Variants in ARHGAP12 observed in about 807,000 individuals in gnomAD.
ARHGAP12 encodes the protein rho GTPase-activating protein 12.
In ARHGAP12, 64 loss-of-function variants were observed where a neutral mutation model predicts 108.6. The observed-to-expected ratio is 0.59, with a 90% CI of 0.48 to 0.73. The LOEUF is 0.73. ARHGAP12 is among the 30% of genes least tolerant of loss of function. The pLI, the probability that ARHGAP12 is intolerant of heterozygous loss-of-function variation, is 0.00. For synonymous variants in ARHGAP12, 312 were observed against 337.2 expected, an observed-to-expected ratio of 0.93 and a Z score of 0.82; for missense variants, 940 against 1,005.9, an observed-to-expected ratio of 0.93 and a Z score of 0.89.
chr10:31,855,236 T>C (rs1415130597), intron 4 of ARHGAP12, among the ~76,000 whole-genome samples: 1 of 151,736 alleles, frequency 6.6e-6, no homozygotes, highest in South Asian at 2.1e-4. Context: ...ACTGGGAAAA[T>C]TTAGAAACTT....
chr10:31,825,644 A>C (rs1835577420), intron 11 of ARHGAP12, among the ~76,000 whole-genome samples: 1 of 152,148 alleles, frequency 6.6e-6, no homozygotes, highest in Non-Finnish European at 1.5e-5. Flanking sequence ...TCCCAGCGTT[A>C]AGGAGACAAT....
At chr10:31,920,449 CAAAAAAAA>C (rs71027040) in intron 1 of ARHGAP12, among the ~76,000 whole-genome samples, 2 of 59,602 alleles carry the variant, frequency 3.4e-5, no homozygotes, top group South Asian at 6.5e-4. Context: ...GACTCCGTCT[CAAAAAAAA>C]AAAAAAAAAA....
At chr10:31,856,919 A>C (rs2132295056) in intron 4 of ARHGAP12, among the ~76,000 whole-genome samples, 1 of 152,362 alleles carries the variant, frequency 6.6e-6, no homozygotes, top group Non-Finnish European at 1.5e-5. Flanking sequence ...AGGAAAAAAA[A>C]CTATAAAGAA....
chr10:31,882,638 C>A (rs1838018861), intron 3 of ARHGAP12, among the ~76,000 whole-genome samples: 1 of 151,340 alleles, frequency 6.6e-6, no homozygotes, highest in African/African-American at 2.4e-5. Flanking sequence ...CATGGTGAAA[C>A]CCTGTCCCTA....
intron 3 of ARHGAP12, among the ~76,000 whole-genome samples, chr10:31,888,351 A>C (rs1838265385): frequency 6.6e-6 from 1 of 152,216 alleles, no homozygotes; most frequent in South Asian, 2.1e-4. Flanking sequence ...ACATGTCCCA[A>C]GGCAAGCCAA....
At position 31,839,686 on chromosome 10, in the gene ARHGAP12, C is replaced by A; in HGVS notation, c.1322G>T (p.Cys441Phe). The A allele has an allele frequency of 6.2e-7, 1 of 1,607,850 alleles. No individual in the cohort carries two copies. The highest frequency in any genetic ancestry group is 8.5e-7 in the Non-Finnish European group (1 of 1,175,982). Residue 441 changes from cysteine to phenylalanine, a missense_variant, in exon 8 of 20, where the codon TGC (cysteine) becomes TTC (phenylalanine). Transcript: ENST00000344936. ...DKESPTASKP[C>F]FPENESSPSS... ...GGGAGAAGACTCATTTTCAGGAAAG[C>A]AGGGTTTTGAGGCAGTTGGAGATTC...
At chr10:31,898,642 G>A (rs1207079270) in intron 3 of ARHGAP12, among the ~76,000 whole-genome samples, 1 of 152,176 alleles carries the variant, frequency 6.6e-6, no homozygotes. Flanking sequence ...TTATAATACT[G>A]TATTTTTGCT....
intron 4 of ARHGAP12, among the ~76,000 whole-genome samples, chr10:31,857,644 T>A (rs989534339): frequency 6.6e-6 from 1 of 152,102 alleles, no homozygotes; most frequent in Non-Finnish European, 1.5e-5. Flanking sequence ...AGTAAAAATA[T>A]AGACACATGA....
At chr10:31,810,112 A>G (rs1209946137) in intron 16 of ARHGAP12, among the ~76,000 whole-genome samples, 1 of 152,202 alleles carries the variant, frequency 6.6e-6, no homozygotes, top group Non-Finnish European at 1.5e-5. Flanking sequence ...ATTACAATAT[A>G]CTAATGTATA....
chr10:31,831,392 G>T (rs1016719653), intron 10 of ARHGAP12, among the ~76,000 whole-genome samples: 1 of 152,104 alleles, frequency 6.6e-6, no homozygotes, highest in African/African-American at 2.4e-5. Flanking sequence ...TTGCCTCTGG[G>T]GAGGGGAAGT....
intron 1 of ARHGAP12, among the ~76,000 whole-genome samples, chr10:31,915,152 C>T (rs1161329841): frequency 3.3e-5 from 5 of 152,070 alleles, no homozygotes; most frequent in South Asian, 2.1e-4. Flanking sequence ...TTTGGGAGAC[C>T]GGGGCGTGCA....
intron 3 of ARHGAP12, among the ~76,000 whole-genome samples, chr10:31,890,737 C>T (rs1218846748): frequency 6.6e-6 from 1 of 152,094 alleles, no homozygotes; most frequent in Non-Finnish European, 1.5e-5. Flanking sequence ...GATTCAGTAC[C>T]ATCTATGTAG....
intron 12 of ARHGAP12, among the ~76,000 whole-genome samples, chr10:31,819,955 T>TA (rs34560315): frequency 4.4e-4 from 64 of 145,430 alleles, no homozygotes; most frequent in African/African-American, 9.4e-4. Context: ...TGGAAAGGTT[T>TA]AAAAAAAAAA....
intron 3 of ARHGAP12, among the ~76,000 whole-genome samples, chr10:31,896,955 G>A (rs562947121): frequency 6.4e-4 from 92 of 143,608 alleles, no homozygotes; most frequent in Admixed American, 1.8e-3. Context: ...AAACCCTGGA[G>A]CTATAAACTG....
chr10:31,859,864 G>A (rs1339902924), intron 4 of ARHGAP12, among the ~76,000 whole-genome samples: 3 of 150,140 alleles, frequency 2.0e-5, no homozygotes, highest in Non-Finnish European at 3.0e-5. Context: ...GTGCAATCTC[G>A]GCTCACTGCA....
At chr10:31,808,928 G>C in intron 18 of ARHGAP12, 66 bp downstream of exon 18, 3 of 1,452,622 alleles carry the variant, frequency 2.1e-6, no homozygotes, top group Non-Finnish European at 2.8e-6. Flanking sequence ...AAAAAAAATT[G>C]GGTGGCTTAA....
intron 1 of ARHGAP12, among the ~76,000 whole-genome samples, chr10:31,924,199 T>C (rs1839935770): frequency 6.6e-6 from 1 of 152,206 alleles, no homozygotes; most frequent in Non-Finnish European, 1.5e-5. Flanking sequence ...ATCCCTCTTC[T>C]AGGTATTTAC....
In ARHGAP12 at chr10:31,850,511, A is replaced by G. The variant is rs185088508; in HGVS notation, c.1170+2006T>C. Among the ~76,000 whole-genome samples, 8 of 152,298 alleles carry G rather than the reference A, an allele frequency of 5.3e-5. No homozygotes were observed. The East Asian group carries it at 1.3e-3, about 26-fold the overall frequency. On this transcript the variant is annotated intron_variant, in intron 6 of 19. Coordinates refer to ENST00000344936, the MANE Select transcript of ARHGAP12 (RefSeq NM_018287.7). The stretch of plus-strand genomic sequence containing the variant: ...AATCATTCTTTCTAAATTAATCACT[A>G]AATTTTTTTTATAAACGGTACCAAT...
intron 1 of ARHGAP12, among the ~76,000 whole-genome samples, chr10:31,920,467 A>G (rs955407827): frequency 2.6e-5 from 4 of 151,174 alleles, no homozygotes; most frequent in African/African-American, 7.3e-5. Flanking sequence ...AAAAAAAAAA[A>G]AAAAGAAAAC....
Sources: gnomAD v4.1 joint callset for allele counts (sites outside exome capture counted in the v4.1 genomes callset) on GRCh38, gnomAD v4.1.1 for gene constraint, MANE v1.5 for transcripts, NCBI Gene and HGNC (gene_info 2026-07-23, HGNC 2026-07-21) for gene names.